The following CCDC136 variants were observed in gnomAD, a reference collection of about 807,000 sequenced individuals.
The protein encoded by CCDC136 is coiled-coil domain containing 136, also known as coiled-coil domain-containing protein 136.
A neutral mutation model predicts 141.2 loss-of-function variants in CCDC136; 100 were observed. That is an observed-to-expected ratio of 0.71 (90% CI 0.60 to 0.84). The LOEUF (loss-of-function observed/expected upper bound fraction) is 0.84. CCDC136 is among the 40% of genes least tolerant of loss of function. CCDC136 has a pLI of 0.00. For synonymous variants in CCDC136, 474 were observed against 531.9 expected (o/e 0.89, Z 1.50); for missense variants, 1,206 against 1,379.4 (o/e 0.87, Z 1.99).
rs1802607695 is a variant in CCDC136 at position 128,794,206 on chromosome 7, G to A, written c.17-142G>A. The A allele has an allele frequency of 1.8e-6, 2 of 1,116,418 alleles. No homozygotes were observed. The highest frequency in any genetic ancestry group is 2.6e-6 in the Non-Finnish European group (2 of 759,248). 69.2% of individuals were successfully genotyped at this position (1,116,418 alleles called of 1,614,324 possible). ...ACCTGAGGACTCATCTTGAGTACAG[G>A]TCTTGCCCCGGGGCTCCTTGGGGGA... On this transcript the variant is annotated intron_variant, in intron 1 of 17. Coordinates refer to ENST00000297788, the MANE Select transcript of CCDC136 (RefSeq NM_022742.5). This position sits in a 1 kb window ranked among gnomAD's most constrained non-coding sequence, Gnocchi z 4.3.
In CCDC136 at chr7:128,817,626, GT is replaced by G; in HGVS notation, c.3364-126del. The G allele has an allele frequency of 1.2e-6, 1 of 805,358 alleles. No homozygotes were observed. The allele number at this position is 805,358 out of a possible 1,614,324, so 49.9% of individuals were successfully genotyped here. ...GACATGCAACTGCTCTAGCTTACCT[GT>G]TTTTTAACCTCTTGATTCCTTTCTC... On this transcript the variant is annotated intron_variant, in intron 16 of 17. Coordinates refer to ENST00000297788, the MANE Select transcript of CCDC136 (RefSeq NM_022742.5). The surrounding 1 kb of genome is among the most constrained non-coding windows in gnomAD (Gnocchi z 4.6).
rs1257497385 is a variant in CCDC136, at chr7:128,794,839, G to A, written c.346+71G>A. 3.2e-6 allele frequency: 4 copies of A among 1,240,482 alleles called. No homozygotes were observed. Among genetic ancestry groups the A allele is most frequent in the Non-Finnish European group, 4.6e-6 (4 of 868,256 alleles). 76.8% of individuals were successfully genotyped at this position (1,240,482 alleles called of 1,614,324 possible). A position where few individuals can be genotyped will look rare whatever the true frequency, so the allele number is the denominator to read the frequency against. ...TCACCTAAGTACTTTTTTCCTGAGG[G>A]TTTGACTGAAGCACAGCAGATAAAA... On this transcript the variant is annotated intron_variant, in intron 3 of 17. Coordinates refer to ENST00000297788, the MANE Select transcript of CCDC136 (RefSeq NM_022742.5). The surrounding 1 kb of genome is among the most constrained non-coding windows in gnomAD (Gnocchi z 4.3).
intron 12 of CCDC136, among the ~76,000 whole-genome samples, chr7:128,810,910 G>A (rs1455021270): frequency 6.6e-6 from 1 of 152,164 alleles, no homozygotes; most frequent in Non-Finnish European, 1.5e-5. Context: ...AACTTTGGTG[G>A]CAGTAACAGA....
At chr7:128,791,801 G>A (rs1802204934), upstream of CCDC136, 3 of 392,576 alleles carry the variant, frequency 7.6e-6, no homozygotes, top group South Asian at 3.9e-4. This position sits in a 1 kb window ranked among gnomAD's most constrained non-coding sequence, Gnocchi z 7.1. Flanking sequence ...CAGTCCGACG[G>A]TGCTTCCAGC....
At chr7:128,810,470 A>G (rs1805549075) in intron 12 of CCDC136, 104 bp downstream of exon 12, 7 of 786,832 alleles carry the variant, frequency 8.9e-6, no homozygotes, top group Non-Finnish European at 1.4e-5. Flanking sequence ...GTGTTTGGCC[A>G]GGGGTAAGGA....
At position 128,814,867 on chromosome 7, in the gene CCDC136, A is replaced by C. The variant is rs779866057; in HGVS notation, c.2993A>C (p.Lys998Thr). The C allele has an allele frequency of 1.2e-6, 2 of 1,607,630 alleles. No homozygotes were observed. The highest frequency in any genetic ancestry group is 1.7e-5 in the Admixed American group (1 of 59,068). Residue 998 changes from lysine to threonine, a missense_variant, in exon 15 of 18, where the codon AAG (lysine) becomes ACG (threonine). By Grantham distance (78) the Lys-to-Thr change is moderately conservative. Transcript: ENST00000297788. ...NKNANGVKMK[K>T]VTKPCSDTSE... ...AATGCCAATGGGGTTAAAATGAAAA[A>C]GGTGACCAAGCCATGCTCGGATACT... is the stretch of plus-strand genomic sequence containing the variant.
intron 10 of CCDC136, chr7:128,808,685 A>G: frequency 1.0e-6 from 1 of 985,348 alleles, no homozygotes; most frequent in Non-Finnish European, 1.2e-6. Context: ...TATTTGGGCC[A>G]CCTCAGCAGT....
chr7:128,791,396 G>C, upstream of CCDC136: 4 of 871,778 alleles, frequency 4.6e-6, no homozygotes, highest in Non-Finnish European at 6.1e-6. The surrounding 1 kb of genome is among the most constrained non-coding windows in gnomAD (Gnocchi z 7.1). Context: ...CCGCCCCCTC[G>C]TCCGCCCTCC....
chr7:128,817,891 G>A lies in CCDC136; in HGVS notation c.*5+27G>A. The A allele has an allele frequency of 6.5e-7, 1 of 1,549,796 alleles. No individual in the cohort carries two copies. Among genetic ancestry groups the A allele is most frequent in the Non-Finnish European group, 8.9e-7 (1 of 1,121,934 alleles). ...TACTGGTATTGCTTCCTCTCCTTCT[G>A]AGGGATAGAGGGAGGGTGCAGGTTG... is the stretch of plus-strand genomic sequence containing the variant. On this transcript the variant is annotated intron_variant, in intron 17 of 17. Coordinates refer to ENST00000297788, the MANE Select transcript of CCDC136 (RefSeq NM_022742.5). This position sits in a 1 kb window ranked among gnomAD's most constrained non-coding sequence, Gnocchi z 4.6.
intron 12 of CCDC136, chr7:128,811,453 A>G: frequency 2.2e-6 from 1 of 449,360 alleles, no homozygotes; most frequent in South Asian, 1.7e-5. Flanking sequence ...GGTCAGGATA[A>G]CAGGTATACC....
chr7:128,799,594 A>G (rs1231260707), intron 3 of CCDC136, among the ~76,000 whole-genome samples: 1 of 151,994 alleles, frequency 6.6e-6, no homozygotes, highest in Non-Finnish European at 1.5e-5. Flanking sequence ...ACACACATAT[A>G]GCAAAGTACA....
Position 128,806,411 on chromosome 7 carries a change from G to C in CCDC136, c.1248+16G>C. ...GAGTGAGAAGGTAACAGCAACCAGA[G>C]GTGAGGGGACAACTTAGGTGCTAAG... On this transcript the variant is annotated intron_variant, in intron 8 of 17. Transcript: ENST00000297788. 6.3e-7 allele frequency: 1 copy of C among 1,590,560 alleles called. No individual in the cohort carries two copies.
At chr7:128,795,474 AG>A (rs1480644006) in intron 3 of CCDC136, among the ~76,000 whole-genome samples, 1 of 152,016 alleles carries the variant, frequency 6.6e-6, no homozygotes, top group Non-Finnish European at 1.5e-5. Flanking sequence ...CCAAAAGAAA[AG>A]TATAAATGGA....
rs774739139 is a variant in CCDC136, at chr7:128,807,370, C to T, written c.1430C>T (p.Thr477Met). 114 of 1,539,216 alleles carry T rather than the reference C, an allele frequency of 7.4e-5. No homozygotes were observed. Among genetic ancestry groups the T allele is most frequent in the Admixed American group, 1.6e-4 (8 of 50,512 alleles). ...GCCTCCCCTGCCCAGGACACAGAGA[C>T]GCACGCTCAGCTTCAGGAGATGAAG... ...FKESNEKDTE[T>M]HAQLQEMKQL... Residue 477 changes from threonine to methionine, a missense_variant, in exon 10 of 18, where the codon ACG (threonine) becomes ATG (methionine). By Grantham distance (81) the Thr-to-Met change is moderately conservative. Transcript: ENST00000297788.
At chr7:128,808,328 T>C (rs1198626140) in intron 10 of CCDC136, 4 of 357,672 alleles carry the variant, frequency 1.1e-5, no homozygotes, top group Non-Finnish European at 1.6e-5. Flanking sequence ...TGAGCCGCCA[T>C]GCCCTGCCAG....
chr7:128,804,530 T>G lies in CCDC136; in HGVS notation c.671-120T>G, dbSNP rs1405001182. 1.5e-5 allele frequency: 10 copies of G among 650,642 alleles called. No homozygotes were observed. In the East Asian group the frequency reaches 2.9e-4, roughly 19 times the overall value. 40.3% of individuals were successfully genotyped at this position (650,642 alleles called of 1,614,324 possible). A position where few individuals can be genotyped will look rare whatever the true frequency, so the allele number is the denominator to read the frequency against. ...CTAAGCCTCTACCTTTTTTCTGTCT[T>G]TAGAAAAAGAGAAGCTCTTTAACCT... is the stretch of plus-strand genomic sequence containing the variant. On this transcript the variant is annotated intron_variant, in intron 4 of 17. Transcript: ENST00000297788.
intron 3 of CCDC136, among the ~76,000 whole-genome samples, chr7:128,798,131 A>G (rs1224747026): frequency 6.7e-6 from 1 of 148,860 alleles, no homozygotes; most frequent in East Asian, 2.0e-4. Context: ...GTTAGCCAGG[A>G]TGGTCTCGAT....
rs562839903 is a variant in CCDC136 at position 128,806,176 on chromosome 7, C to G, written c.1090-61C>G. 88 of 1,421,730 alleles carry G rather than the reference C, an allele frequency of 6.2e-5. No homozygotes were observed. In the African/African-American group the frequency reaches 1.2e-3, roughly 19 times the overall value. The allele number at this position is 1,421,730 out of a possible 1,614,324, so 88.1% of individuals were successfully genotyped here. On this transcript the variant is annotated intron_variant, in intron 7 of 17. Coordinates refer to ENST00000297788, the MANE Select transcript of CCDC136 (RefSeq NM_022742.5). ...GCATCTGAAAAGGAACCCAACTGAT[C>G]CGTAGAAAGACCTGCTGTTTCTTGA...
chr7:128,791,925 T>C, upstream of CCDC136: 2 of 661,568 alleles, frequency 3.0e-6, no homozygotes, highest in African/African-American at 1.9e-5. The surrounding 1 kb of genome is among the most constrained non-coding windows in gnomAD (Gnocchi z 7.1). Flanking sequence ...AGGGGAGCGG[T>C]CGCAGCCCTA....
Sources: gnomAD v4.1 joint callset for allele counts (sites outside exome capture counted in the v4.1 genomes callset) on GRCh38, gnomAD v4.1.1 for gene constraint, Gnocchi (gnomAD v3.1) non-coding constraint, MANE v1.5 for transcripts, NCBI Gene and HGNC (gene_info 2026-07-23, HGNC 2026-07-21) for gene names.